Variants in CAMSAP2 observed in about 807,000 individuals in gnomAD.
CAMSAP2 encodes the protein calmodulin-regulated spectrin-associated protein 2.
A neutral mutation model predicts 146.1 loss-of-function variants in CAMSAP2; 26 were observed. That is an observed-to-expected ratio of 0.18 (90% CI 0.13 to 0.25). The LOEUF (loss-of-function observed/expected upper bound fraction) is 0.25. CAMSAP2 is among the 10% of genes least tolerant of loss of function. CAMSAP2 has a pLI of 1.00. For synonymous variants in CAMSAP2, 499 were observed against 596.6 expected (o/e 0.84, Z 2.38); for missense variants, 1,381 against 1,759.3 (o/e 0.78, Z 3.85).
At chr1:200,795,207 A>G (rs1665854280) in intron 2 of CAMSAP2, among the ~76,000 whole-genome samples, 1 of 152,148 alleles carries the variant, frequency 6.6e-6, no homozygotes, top group Non-Finnish European at 1.5e-5. Context: ...ATAATCCTGG[A>G]CTTGTTGGGT....
intron 2 of CAMSAP2, among the ~76,000 whole-genome samples, chr1:200,805,581 A>G (rs1666150980): frequency 6.6e-6 from 1 of 152,206 alleles, no homozygotes; most frequent in Non-Finnish European, 1.5e-5. Context: ...ACTTTAGATA[A>G]TTTAGAAATT....
chr1:200,811,189 G>C (rs1666320459), intron 3 of CAMSAP2, among the ~76,000 whole-genome samples: 1 of 152,096 alleles, frequency 6.6e-6, no homozygotes, highest in Non-Finnish European at 1.5e-5. Flanking sequence ...TGTTTACCAA[G>C]CCCTCCTCTA....
intron 2 of CAMSAP2, among the ~76,000 whole-genome samples, chr1:200,782,222 A>G (rs1442614385): frequency 1.3e-5 from 2 of 152,214 alleles, no homozygotes; most frequent in East Asian, 1.9e-4. Flanking sequence ...GAAATGAAGT[A>G]TTATCCCACA....
At chr1:200,783,145 C>A (rs906973460) in intron 2 of CAMSAP2, among the ~76,000 whole-genome samples, 27 of 152,198 alleles carry the variant, frequency 1.8e-4, no homozygotes, top group African/African-American at 6.3e-4. Flanking sequence ...GTTGTACTTT[C>A]TATTTCACCA....
intron 2 of CAMSAP2, among the ~76,000 whole-genome samples, chr1:200,775,013 C>T: frequency 6.6e-6 from 1 of 152,038 alleles, no homozygotes; most frequent in East Asian, 1.9e-4. Flanking sequence ...GACCAGTAAA[C>T]AATTAGACAA....
chr1:200,742,769 A>G (rs1664216341), intron 1 of CAMSAP2, among the ~76,000 whole-genome samples: 1 of 152,158 alleles, frequency 6.6e-6, no homozygotes, highest in Non-Finnish European at 1.5e-5. Flanking sequence ...AAAGTAGTCA[A>G]TTTTATAACC....
At chr1:200,766,507 C>T (rs1571731246) in intron 2 of CAMSAP2, among the ~76,000 whole-genome samples, 1 of 152,110 alleles carries the variant, frequency 6.6e-6, no homozygotes, top group East Asian at 1.9e-4. Context: ...TAATTTAATT[C>T]TTACAACAAC....
At position 200,852,526 on chromosome 1, in the gene CAMSAP2, G is replaced by T. The variant is rs1280949462; in HGVS notation, c.3466-15G>T. The T allele has an allele frequency of 6.3e-7, 1 of 1,597,640 alleles. No homozygotes were observed. Among genetic ancestry groups the T allele is most frequent in the Non-Finnish European group, 8.5e-7 (1 of 1,174,946 alleles). ...CCTAAAATGTTTGATCGTTTTCAAT[G>T]AAATTCGTTCTTAGGATGATCAAAA... On this transcript the variant is annotated splice_polypyrimidine_tract_variant and intron_variant, in intron 11 of 16. Coordinates refer to ENST00000358823, the MANE Select transcript of CAMSAP2 (RefSeq NM_203459.4).
chr1:200,761,591 C>T (rs569141872), intron 2 of CAMSAP2, among the ~76,000 whole-genome samples: 3 of 152,158 alleles, frequency 2.0e-5, no homozygotes, highest in East Asian at 3.9e-4. Context: ...CAAAATTAGC[C>T]GGGCATGGTG....
chr1:200,826,053 A>G (rs564084287), intron 4 of CAMSAP2, among the ~76,000 whole-genome samples: 12 of 152,274 alleles, frequency 7.9e-5, no homozygotes, highest in African/African-American at 2.9e-4. Context: ...TTAAATGTTG[A>G]CGAAATCCCC....
intron 2 of CAMSAP2, among the ~76,000 whole-genome samples, chr1:200,770,798 AG>A (rs1046430018): frequency 3.9e-5 from 6 of 152,174 alleles, no homozygotes; most frequent in Admixed American, 3.9e-4. Context: ...GAAGGCAAAT[AG>A]GGCAGTTATT....
At chr1:200,786,939 A>C (rs1318436392) in intron 2 of CAMSAP2, among the ~76,000 whole-genome samples, 3 of 151,964 alleles carry the variant, frequency 2.0e-5, no homozygotes, top group Non-Finnish European at 4.4e-5. Context: ...TAAGTAGAAA[A>C]ACAAAGCCTG....
rs1667556166 is a variant in CAMSAP2 at position 200,849,433 on chromosome 1, T to C, written c.2664T>C (p.Asn888=). ...ATACCAAATCCATTGAAAAGTTAAATTCATCCCTGCATTTTCTACAACAAG... is the reference window on the plus strand; with the variant it reads ...ATACCAAATCCATTGAAAAGTTAAACTCATCCCTGCATTTTCTACAACAAG... The part of the protein sequence containing the change: ...LEYTKSIEKL[N]SSLHFLQQEM... Residue 888 remains asparagine, a synonymous_variant, in exon 11 of 17, where the codon AAT becomes AAC. Transcript: ENST00000358823. The surrounding 1 kb of genome is among the most constrained non-coding windows in gnomAD (Gnocchi z 6.3). 1 of 1,614,222 alleles carries C rather than the reference T, an allele frequency of 6.2e-7. No individual in the cohort carries two copies. Among genetic ancestry groups the C allele is most frequent in the African/African-American group, 1.3e-5 (1 of 75,060 alleles).
chr1:200,847,088 A>G (rs1311220785), intron 8 of CAMSAP2, 122 bp from the exon 9 acceptor site: 2 of 641,862 alleles, frequency 3.1e-6, no homozygotes. Flanking sequence ...ATATGTTTCC[A>G]TATTTTTAAA....
intron 4 of CAMSAP2, among the ~76,000 whole-genome samples, chr1:200,816,732 G>GTC (rs200494945): frequency 1.3e-5 from 1 of 79,792 alleles, no homozygotes; most frequent in African/African-American, 5.4e-5. Context: ...ACATATATGT[G>GTC]TGTACACACA....
At position 200,830,078 on chromosome 1, in the gene CAMSAP2, C is replaced by A. The variant is rs760067205; in HGVS notation, c.646-2122C>A. ...TTTGCAGAAAGAAAGGGCATGTTTC[C>A]ATGCAATAAGTTTATAAAGCAAATA... is the stretch of plus-strand genomic sequence containing the variant. On this transcript the variant is annotated intron_variant, in intron 4 of 16. Coordinates refer to ENST00000358823, the MANE Select transcript of CAMSAP2 (RefSeq NM_203459.4). Among the ~76,000 whole-genome samples the A allele has an allele frequency of 2.8e-4, 42 of 152,166 alleles. 1 individual carries two copies. The highest frequency in any genetic ancestry group is 1.2e-4 in the Non-Finnish European group (8 of 68,020).
intron 2 of CAMSAP2, among the ~76,000 whole-genome samples, chr1:200,786,383 CT>C (rs774638509): frequency 0.01 from 1,473 of 143,196 alleles, 4 homozygotes; most frequent in Middle Eastern, 0.033. Flanking sequence ...AAATTGCTTT[CT>C]TTTTTTTTTT....
Position 200,848,689 on chromosome 1 carries a change from G to C in CAMSAP2, c.1920G>C (p.Met640Ile). ...ATACTGTAAGCTTGGACTCTGACAT[G>C]GATGATGCATCTAAATTTCTTCAGG... The part of the protein sequence containing the change: ...RDYTVSLDSD[M>I]DDASKFLQDY... Residue 640 changes from methionine (M) to isoleucine (I), a missense_variant, in exon 11 of 17, where the codon ATG becomes ATC. Met to Ile is a conservative substitution (Grantham distance 10). This residue lies in a region of CAMSAP2 where 447 missense variants were observed against 462.2 expected (regional missense o/e 0.97). Transcript: ENST00000358823. 6.2e-7 allele frequency: 1 copy of C among 1,614,036 alleles called. No individual in the cohort carries two copies.
At chr1:200,773,743 TG>T (rs1445902393) in intron 2 of CAMSAP2, among the ~76,000 whole-genome samples, 1 of 151,890 alleles carries the variant, frequency 6.6e-6, no homozygotes, top group Non-Finnish European at 1.5e-5. Flanking sequence ...TGGAGTGGCT[TG>T]GTGCGGTGGC....
Sources: gnomAD v4.1 joint callset for allele counts (sites outside exome capture counted in the v4.1 genomes callset) on GRCh38, gnomAD v4.1.1 for gene constraint, gnomAD v4.1.1 regional missense constraint, Gnocchi (gnomAD v3.1) non-coding constraint, MANE v1.5 for transcripts, NCBI Gene and HGNC (gene_info 2026-07-23, HGNC 2026-07-21) for gene names.